The following PDLIM2 variants were observed in gnomAD, a reference collection of about 807,000 sequenced individuals.
PDLIM2 encodes PDZ and LIM domain protein 2.
In PDLIM2, 51 loss-of-function variants were observed where a neutral mutation model predicts 54.1. The observed-to-expected ratio is 0.94, with a 90% CI of 0.75 to 1.19. The LOEUF (loss-of-function observed/expected upper bound fraction) is 1.19. Among genes scored for constraint, PDLIM2 ranks in the 50% most tolerant of loss-of-function variants. The probability of loss-of-function intolerance (pLI) is 0.00; values close to 1 mark genes in which losing one functional copy is unlikely to be tolerated. For synonymous variants in PDLIM2, 398 were observed against 385.6 expected, an observed-to-expected ratio of 1.03 and a Z score of -0.38; for missense variants, 912 against 874.0, an observed-to-expected ratio of 1.04 and a Z score of -0.55.
downstream of PDLIM2, chr8:22,594,595 C>T (rs766353960): frequency 2.0e-5 from 33 of 1,613,862 alleles, no homozygotes; most frequent in African/African-American, 6.7e-5. Context: ...TGGTGGAGGG[C>T]GCCAAGCGGA....
chr8:22,593,988 G>A (rs1021191155), exon 10 of PDLIM2: 8 of 1,491,250 alleles, frequency 5.4e-6, no homozygotes, highest in Non-Finnish European at 7.1e-6. Context: ...GGACAATGGT[G>A]GGCAGTTGCT....
At chr8:22,589,817 A>G (rs1483857856) in intron 8 of PDLIM2, 76 bp downstream of exon 7, 11 of 1,529,318 alleles carry the variant, frequency 7.2e-6, no homozygotes, top group African/African-American at 1.4e-5. Context: ...GGGTCAGTGA[A>G]CCAGTGTTCT....
intron 9 of PDLIM2, 34 bp from the exon 9 acceptor site, chr8:22,593,699 T>C (rs1800616417): frequency 1.3e-6 from 2 of 1,538,946 alleles, no homozygotes; most frequent in Non-Finnish European, 1.8e-6. Context: ...CTTGGTGCTG[T>C]GGCTCTGAGC....
chr8:22,594,949 A>C (rs1586932571), downstream of PDLIM2: 8 of 265,292 alleles, frequency 3.0e-5, no homozygotes, highest in East Asian at 9.9e-5. Flanking sequence ...AAACAAATGA[A>C]TGCATGTGGC....
downstream of PDLIM2, chr8:22,594,502 C>G (rs1477782737): frequency 1.9e-6 from 3 of 1,613,562 alleles, no homozygotes; most frequent in East Asian, 4.5e-5. Flanking sequence ...CATTCCTTAA[C>G]CTTTTTGTAA....
downstream of PDLIM2, chr8:22,594,969 G>T: frequency 4.3e-6 from 1 of 232,910 alleles, no homozygotes; most frequent in East Asian, 1.2e-4. Flanking sequence ...CCAGTGCCAG[G>T]TGAGCTGCCC....
At chr8:22,579,293 C>T (rs1043236922) in exon 1 of PDLIM2, 11 of 1,386,240 alleles carry the variant, frequency 7.9e-6, no homozygotes, top group Middle Eastern at 2.6e-4. Flanking sequence ...CTCCGCGCCC[C>T]TGTCGGCGCG....
exon 1 of PDLIM2, chr8:22,579,315 T>A (rs780771593): frequency 7.0e-7 from 1 of 1,424,202 alleles, no homozygotes; most frequent in South Asian, 1.4e-5. Flanking sequence ...AACCCTGGCC[T>A]CGTCCGCGGC....
intron 6 of PDLIM2, chr8:22,588,064 A>G (rs551488590): frequency 1.3e-5 from 2 of 152,366 alleles, no homozygotes; most frequent in South Asian, 4.1e-4. Flanking sequence ...TGCGGAAACT[A>G]TCTCTAGGTC....
exon 7 of PDLIM2, chr8:22,589,351 G>T (rs763982633): frequency 6.5e-7 from 1 of 1,534,702 alleles, no homozygotes; most frequent in South Asian, 1.2e-5. Flanking sequence ...CGCCTTCCCC[G>T]GGCCCTCGTT....
At chr8:22,579,302 C>A in exon 1 of PDLIM2, 1 of 1,401,698 alleles carries the variant, frequency 7.1e-7, no homozygotes, top group Non-Finnish European at 9.2e-7. Flanking sequence ...CCTGTCGGCG[C>A]GGAACCCTGG....
In PDLIM2 at chr8:22,585,314, C is replaced by T. The variant is rs1800343144; in HGVS notation, c.1212-7C>T. On this transcript the variant is annotated splice_polypyrimidine_tract_variant and splice_region_variant and intron_variant, in intron 5 of 9. Transcript: ENST00000308354. Reference sequence around the variant, plus strand: ...CCTGGCACACACTGTCCCTTTCCCACTTTCAGCTTCCAGAGTCTGGCATGT... The same window carrying T: ...CCTGGCACACACTGTCCCTTTCCCATTTTCAGCTTCCAGAGTCTGGCATGT... 1 of 1,612,962 alleles carries T rather than the reference C, an allele frequency of 6.2e-7. No individual in the cohort carries two copies. The highest frequency in any genetic ancestry group is 8.5e-7 in the Non-Finnish European group (1 of 1,179,856).
chr8:22,589,175 G>A lies in PDLIM2; in HGVS notation c.1291-123G>A, dbSNP rs1428589063. ...GCTCCAAGGGAAGGGGCAGGGGTCC[G>A]CTGGTCGGCGAGGGCCGGGGGCCCC... On this transcript the variant is annotated intron_variant, in intron 6 of 9. Transcript: ENST00000308354. 5 of 945,950 alleles carry A rather than the reference G, an allele frequency of 5.3e-6. No homozygotes were observed. The East Asian group carries it at 7.9e-5, about 15-fold the overall frequency. 58.6% of individuals were successfully genotyped at this position (945,950 alleles called of 1,614,324 possible). A position where few individuals can be genotyped will look rare whatever the true frequency, so the allele number is the denominator to read the frequency against.
downstream of PDLIM2, chr8:22,594,493 AT>A (rs766660176): frequency 6.2e-7 from 1 of 1,613,482 alleles, no homozygotes; most frequent in South Asian, 1.1e-5. Context: ...GAGTCATGTC[AT>A]TCCTTAACCT....
chr8:22,581,493 C>T (rs1166754916), exon 3 of PDLIM2: 11 of 1,601,230 alleles, frequency 6.9e-6, no homozygotes, highest in Non-Finnish European at 8.5e-6. Context: ...GAGCAAGATC[C>T]GCCAGAGCCC....
intron 3 of PDLIM2, 75 bp downstream of exon 2, chr8:22,581,605 C>A: frequency 6.7e-7 from 1 of 1,485,470 alleles, no homozygotes; most frequent in Non-Finnish European, 8.9e-7. Context: ...AGCCCTTGCT[C>A]CTGCCCATGG....
exon 10 of PDLIM2, chr8:22,593,796 C>A: frequency 6.2e-7 from 1 of 1,605,942 alleles, no homozygotes; most frequent in Non-Finnish European, 8.5e-7. Flanking sequence ...CCTGTGCCGA[C>A]TGTGGGCTGA....
chr8:22,585,090 C>T (rs781441864), exon 5 of PDLIM2: 19 of 1,613,836 alleles, frequency 1.2e-5, no homozygotes, highest in East Asian at 4.5e-5. Flanking sequence ...TCCCTCAGCC[C>T]GAGGGCCGGC....
intron 2 of PDLIM2, chr8:22,580,931 G>C (rs774616230): frequency 1.3e-5 from 9 of 689,478 alleles, no homozygotes; most frequent in Non-Finnish European, 2.2e-5. Flanking sequence ...GCCGGCTCTT[G>C]CCTCCCCAGT....
Sources: allele counts gnomAD v4.1 joint callset, GRCh38; gene constraint gnomAD v4.1.1; transcripts MANE v1.5; gene names NCBI Gene and HGNC (gene_info 2026-07-23, HGNC 2026-07-21).